The following NIT1 variants were observed in gnomAD, a reference collection of about 807,000 sequenced individuals.
NIT1 encodes deaminated glutathione amidase.
Under a neutral mutation model 36.8 loss-of-function variants are expected in NIT1, and 30 were observed. The ratio of observed to expected loss-of-function variants is 0.82; its 90% CI spans 0.61 to 1.11. The LOEUF (loss-of-function observed/expected upper bound fraction) is 1.11. Among genes scored for constraint, NIT1 ranks in the 50% least tolerant of loss-of-function variants. The probability of loss-of-function intolerance (pLI) is 0.00; values close to 1 mark genes in which losing one functional copy is unlikely to be tolerated. For synonymous variants in NIT1, 151 were observed against 155.6 expected (o/e 0.97, Z 0.22); for missense variants, 438 against 410.6 (o/e 1.07, Z -0.58).
chr1:161,122,568 G>C, downstream of NIT1: 1 of 1,580,960 alleles, frequency 6.3e-7, no homozygotes, highest in South Asian at 1.1e-5. The surrounding 1 kb of genome is among the most constrained non-coding windows in gnomAD (Gnocchi z 4.2). Flanking sequence ...TACAGTAAGG[G>C]ATGAGTTTAC....
At chr1:161,122,138 G>A (rs1328021281), downstream of NIT1, 1 of 1,611,716 alleles carries the variant, frequency 6.2e-7, no homozygotes, top group African/African-American at 1.3e-5. This position sits in a 1 kb window ranked among gnomAD's most constrained non-coding sequence, Gnocchi z 4.2. Flanking sequence ...AGTGAGAAGA[G>A]GGAATAGGTC....
chr1:161,123,213 G>C (rs1655724956), downstream of NIT1: 1 of 1,613,116 alleles, frequency 6.2e-7, no homozygotes, highest in African/African-American at 1.3e-5. Flanking sequence ...ACAGGATAGT[G>C]GGGAGGCACT....
rs1297996282 is a variant in NIT1 at position 161,121,067 on chromosome 1, CTG to C, written c.*306_*307del. 5.7e-6 allele frequency: 7 copies of C among 1,221,838 alleles called. No individual in the cohort carries two copies. The highest frequency in any genetic ancestry group is 4.6e-5 in the African/African-American group (3 of 64,544). The allele number at this position is 1,221,838 out of a possible 1,614,324, so 75.7% of individuals were successfully genotyped here. A position where few individuals can be genotyped will look rare whatever the true frequency, so the allele number is the denominator to read the frequency against. On this transcript the variant is annotated 3_prime_UTR_variant, in exon 7 of 7. Coordinates refer to ENST00000368009, the MANE Select transcript of NIT1 (RefSeq NM_005600.3). ...TTGAAAAATATAATAATCATAAAGT[CTG>C]TGTCTGGACATCGCCTTTGGGAACT... is the stretch of plus-strand genomic sequence containing the variant.
chr1:161,123,396 T>C (rs956083788), downstream of NIT1, among the ~76,000 whole-genome samples: 2 of 152,040 alleles, frequency 1.3e-5, no homozygotes, highest in Admixed American at 1.3e-4. Context: ...TCCCAGCACT[T>C]TGGGAGGCCA....
intron 2 of NIT1, 117 bp from the exon 3 acceptor site, chr1:161,119,017 T>C: frequency 2.1e-6 from 3 of 1,416,668 alleles, no homozygotes; most frequent in African/African-American, 1.4e-5. Context: ...CAACGTGCCC[T>C]GTAAGAGCAT....
intron 1 of NIT1, chr1:161,118,506 T>C (rs1176795806): frequency 1.3e-6 from 2 of 1,536,062 alleles, no homozygotes; most frequent in Admixed American, 2.0e-5. Flanking sequence ...GAGATGACTT[T>C]TGGACTGCGG....
At chr1:161,123,766 A>G, downstream of NIT1, 1 of 1,360,590 alleles carries the variant, frequency 7.3e-7, no homozygotes, top group Non-Finnish European at 1.0e-6. Flanking sequence ...TAAGCTGGCA[A>G]AGCCCAGAAT....
At chr1:161,118,299 C>T (rs1200864540) in intron 1 of NIT1, 121 bp downstream of exon 1, 10 of 1,134,146 alleles carry the variant, frequency 8.8e-6, no homozygotes, top group Admixed American at 3.7e-5. Flanking sequence ...GAGCGGGCGG[C>T]GGGAGGGTGG....
chr1:161,123,558 C>A (rs1042434563), downstream of NIT1, among the ~76,000 whole-genome samples: 6 of 151,142 alleles, frequency 4.0e-5, no homozygotes, highest in African/African-American at 1.5e-4. Flanking sequence ...ATGGCGTGCA[C>A]CTGGGAAGTG....
downstream of NIT1, chr1:161,124,637 ATGT>A (rs1655961195): frequency 7.7e-7 from 1 of 1,304,074 alleles, no homozygotes; most frequent in Non-Finnish European, 1.0e-6. Context: ...TGCTTTATAC[ATGT>A]TTATTAAATT....
At chr1:161,122,024 T>TAAAAAA, downstream of NIT1, 2 of 1,068,148 alleles carry the variant, frequency 1.9e-6, no homozygotes, top group Non-Finnish European at 2.6e-6. The surrounding 1 kb of genome is among the most constrained non-coding windows in gnomAD (Gnocchi z 4.2). Context: ...TCTTTTTCTT[T>TAAAAAA]AAAAAAAAAA....
chr1:161,123,037 A>C (rs766988478), downstream of NIT1: 6 of 1,614,178 alleles, frequency 3.7e-6, no homozygotes, highest in Middle Eastern at 1.6e-4. Context: ...ATTCTCCTTC[A>C]AGTCTGCTCC....
downstream of NIT1, chr1:161,124,558 C>T: frequency 6.6e-7 from 1 of 1,510,272 alleles, no homozygotes; most frequent in Non-Finnish European, 8.8e-7. Flanking sequence ...CGATGAGACA[C>T]TCAAGGGCAG....
chr1:161,118,723 G>A, intron 1 of NIT1, 63 bp from the exon 2 acceptor site: 1 of 1,495,604 alleles, frequency 6.7e-7, no homozygotes, highest in Non-Finnish European at 9.3e-7. Context: ...AGAGAAGTCA[G>A]AGAATCCTAG....
downstream of NIT1, chr1:161,124,063 C>A: frequency 6.3e-7 from 1 of 1,577,956 alleles, no homozygotes; most frequent in Non-Finnish European, 8.6e-7. Context: ...TGTGTCCTCC[C>A]CTTTGGACGC....
chr1:161,120,603 G>C lies in NIT1; in HGVS notation c.822G>C (p.Val274=), dbSNP rs762609568. 1 of 1,614,188 alleles carries C rather than the reference G, an allele frequency of 6.2e-7. No individual in the cohort carries two copies. The highest frequency in any genetic ancestry group is 1.1e-5 in the South Asian group (1 of 91,068). Residue 274 remains valine, a synonymous_variant, in exon 7 of 7, where the codon GTG becomes GTC. Transcript: ENST00000368009. ...EKRASYGHSM[V]VDPWGTVVAR... is the part of the protein sequence containing the mutation. ...GAGCAAGTTATGGCCACAGCATGGT[G>C]GTAGACCCCTGGGGAACAGTGGTGG...
At chr1:161,119,426 T>C (rs1465882119) in intron 3 of NIT1, 38 bp downstream of exon 3, 2 of 1,613,494 alleles carry the variant, frequency 1.2e-6, no homozygotes, top group Non-Finnish European at 8.5e-7. Context: ...AGAATCTTTG[T>C]TGGACAGTGT....
chr1:161,119,149 T>G lies in NIT1; in HGVS notation c.114T>G (p.Ala38=), dbSNP rs758069016. 1 of 1,613,858 alleles carries G rather than the reference T, an allele frequency of 6.2e-7. No individual in the cohort carries two copies. Among genetic ancestry groups the G allele is most frequent in the Admixed American group, 1.7e-5 (1 of 60,028 alleles). ...CTGTTCACAGGCCCAGAGCCATGGCTATCTCCTCTTCCTCCTGCGAACTGC... is the reference window on the plus strand; with the variant it reads ...CTGTTCACAGGCCCAGAGCCATGGCGATCTCCTCTTCCTCCTGCGAACTGC... ...LCAQPRPRAM[A]ISSSSCELPL... Residue 38 remains alanine, a synonymous_variant, in exon 3 of 7, where the codon GCT becomes GCG. Transcript: ENST00000368009.
Position 161,119,493 on chromosome 1 carries a change from T to C in NIT1, c.354-16T>C. ...TGAGAAGTCAGTGAAGAGTTGTCAGTGTCCCTTCCCCCCAGGGAATGTGGA... is the reference window on the plus strand; with the variant it reads ...TGAGAAGTCAGTGAAGAGTTGTCAGCGTCCCTTCCCCCCAGGGAATGTGGA... On this transcript the variant is annotated splice_polypyrimidine_tract_variant and intron_variant, in intron 3 of 6. Transcript: ENST00000368009. 2 of 1,613,530 alleles carry C rather than the reference T, an allele frequency of 1.2e-6. No homozygotes were observed. The highest frequency in any genetic ancestry group is 1.7e-6 in the Non-Finnish European group (2 of 1,179,418).
Sources: allele counts gnomAD v4.1 joint callset (sites outside exome capture counted in the v4.1 genomes callset), GRCh38; gene constraint gnomAD v4.1.1; non-coding constraint Gnocchi (gnomAD v3.1); transcripts MANE v1.5; gene names NCBI Gene and HGNC (gene_info 2026-07-23, HGNC 2026-07-21).